Variants in EVA1C observed in about 807,000 individuals in gnomAD.
The protein encoded by EVA1C is eva-1 homolog C.
EVA1C carries 25 observed loss-of-function variants against 45.4 expected under a neutral mutation model. That is an observed-to-expected ratio of 0.55 (90% CI 0.40 to 0.77). EVA1C has a LOEUF of 0.77. EVA1C is among the 30% of genes least tolerant of loss of function. The pLI, the probability that EVA1C is intolerant of heterozygous loss-of-function variation, is 0.00. For synonymous variants in EVA1C, 190 were observed against 221.2 expected (o/e 0.86, Z 1.25); for missense variants, 479 against 554.8 (o/e 0.86, Z 1.37).
chr21:32,412,479 A>C, upstream of EVA1C: 3 of 175,580 alleles, frequency 1.7e-5, no homozygotes, highest in Non-Finnish European at 3.6e-5. Flanking sequence ...GGGGCGCGCT[A>C]CTGGGGGCGC....
intron 4 of EVA1C, among the ~76,000 whole-genome samples, chr21:32,477,005 A>G (rs529393096): frequency 6.6e-6 from 1 of 152,254 alleles, no homozygotes; most frequent in South Asian, 2.1e-4. Context: ...CTGCTATTGA[A>G]CAGAGCTTCC....
At chr21:32,425,620 A>G (rs1012813774) in intron 1 of EVA1C, among the ~76,000 whole-genome samples, 4 of 152,172 alleles carry the variant, frequency 2.6e-5, no homozygotes, top group African/African-American at 9.7e-5. Flanking sequence ...GGGTTTGTCA[A>G]CATTTGCCAA....
intron 4 of EVA1C, 105 bp downstream of exon 4, chr21:32,467,953 A>C (rs1456474270): frequency 1.4e-6 from 1 of 724,418 alleles, no homozygotes; most frequent in African/African-American, 1.9e-5. Context: ...TGTGAAAGTC[A>C]ATACTTAACA....
intron 7 of EVA1C, among the ~76,000 whole-genome samples, chr21:32,512,442 C>G (rs2037987587): frequency 6.6e-6 from 1 of 152,166 alleles, no homozygotes; most frequent in African/African-American, 2.4e-5. Flanking sequence ...TGAAACGTCC[C>G]CATTCGACTT....
intron 3 of EVA1C, among the ~76,000 whole-genome samples, chr21:32,458,233 G>A (rs552323661): frequency 1.3e-5 from 2 of 152,288 alleles, no homozygotes; most frequent in Non-Finnish European, 2.9e-5. Context: ...GAATGAGAGG[G>A]GATATGGCTG....
intron 4 of EVA1C, among the ~76,000 whole-genome samples, chr21:32,490,504 C>A (rs1413653599): frequency 6.6e-6 from 1 of 151,992 alleles, no homozygotes; most frequent in Admixed American, 6.6e-5. Flanking sequence ...GGGGAGAGAA[C>A]CATTTGAAGG....
intron 1 of EVA1C, among the ~76,000 whole-genome samples, chr21:32,427,114 A>G: frequency 6.6e-6 from 1 of 152,134 alleles, no homozygotes; most frequent in East Asian, 1.9e-4. Flanking sequence ...GTGCCATAGA[A>G]CTTCAGTTTT....
chr21:32,511,055 C>CTCTA (rs55738338), intron 7 of EVA1C, among the ~76,000 whole-genome samples: 80,535 of 150,934 alleles, frequency 0.53, 23,341 homozygotes, highest in African/African-American at 0.79. Flanking sequence ...CTCTCTCTCT[C>CTCTA]TCTATCTATA....
chr21:32,492,007 A>T (rs2037176680), intron 4 of EVA1C, among the ~76,000 whole-genome samples: 1 of 152,192 alleles, frequency 6.6e-6, no homozygotes, highest in African/African-American at 2.4e-5. Context: ...AGAAAGGAGA[A>T]GAGAGCCCAG....
At chr21:32,479,411 A>C (rs1266229365) in intron 4 of EVA1C, among the ~76,000 whole-genome samples, 1 of 152,296 alleles carries the variant, frequency 6.6e-6, no homozygotes, top group East Asian at 1.9e-4. Context: ...CAACAGAGCA[A>C]GACTCTGTCC....
At chr21:32,514,570 G>T (rs2038074769) in intron 7 of EVA1C, among the ~76,000 whole-genome samples, 1 of 152,174 alleles carries the variant, frequency 6.6e-6, no homozygotes, top group Admixed American at 6.5e-5. Context: ...TCTGGCTCCT[G>T]AGCCCCTCTG....
At chr21:32,442,682 C>T (rs1238108322) in intron 1 of EVA1C, among the ~76,000 whole-genome samples, 20 of 137,666 alleles carry the variant, frequency 1.5e-4, no homozygotes, top group Admixed American at 1.4e-4. Context: ...AAAAAAAAAG[C>T]GGGTGGGAGG....
At chr21:32,455,584 C>A (rs1211792340) in intron 2 of EVA1C, among the ~76,000 whole-genome samples, 1 of 152,096 alleles carries the variant, frequency 6.6e-6, no homozygotes, top group East Asian at 1.9e-4. Context: ...ATCCTTGGAT[C>A]CCAGGCTACC....
chr21:32,419,951 G>A (rs978707641), intron 1 of EVA1C, among the ~76,000 whole-genome samples: 3 of 152,084 alleles, frequency 2.0e-5, no homozygotes, highest in South Asian at 4.1e-4. Context: ...TTTTAGTACT[G>A]GAAAAAGAAT....
intron 7 of EVA1C, among the ~76,000 whole-genome samples, chr21:32,504,233 T>C (rs1409287006): frequency 6.6e-6 from 1 of 152,188 alleles, no homozygotes; most frequent in East Asian, 1.9e-4. Context: ...ACAGACAAAG[T>C]CACACTATTT....
At chr21:32,449,563 G>A (rs1008624063) in intron 1 of EVA1C, among the ~76,000 whole-genome samples, 1 of 151,610 alleles carries the variant, frequency 6.6e-6, no homozygotes, top group African/African-American at 2.4e-5. Flanking sequence ...TCATTTTAGT[G>A]CTAAATAACA....
At chr21:32,491,274 GA>G (rs1211139215) in intron 4 of EVA1C, among the ~76,000 whole-genome samples, 1 of 152,170 alleles carries the variant, frequency 6.6e-6, no homozygotes, top group African/African-American at 2.4e-5. Context: ...TAACGGCTGT[GA>G]AGGAGCTAGG....
intron 4 of EVA1C, among the ~76,000 whole-genome samples, chr21:32,487,833 C>G (rs1342286070): frequency 6.6e-6 from 1 of 152,114 alleles, no homozygotes; most frequent in Non-Finnish European, 1.5e-5. Context: ...TGAGTTGTGT[C>G]CTTTTATAAT....
intron 4 of EVA1C, among the ~76,000 whole-genome samples, chr21:32,469,839 G>A (rs185541622): frequency 4.6e-5 from 7 of 152,288 alleles, no homozygotes; most frequent in East Asian, 3.9e-4. Flanking sequence ...GCCCATCCAC[G>A]TGGTGGAGTT....
Sources: gnomAD v4.1 joint callset for allele counts (sites outside exome capture counted in the v4.1 genomes callset) on GRCh38, gnomAD v4.1.1 for gene constraint, MANE v1.5 for transcripts, NCBI Gene and HGNC (gene_info 2026-07-23, HGNC 2026-07-21) for gene names.